The following ADGRB3 variants were observed in gnomAD, a reference collection of about 807,000 sequenced individuals.
The protein encoded by ADGRB3 is brain-specific angiogenesis inhibitor 3.
A neutral mutation model predicts 193.4 loss-of-function variants in ADGRB3; 37 were observed. That is an observed-to-expected ratio of 0.19 (90% CI 0.15 to 0.25). The LOEUF is 0.25. ADGRB3 is among the 10% of genes least tolerant of loss of function. The pLI is 1.00. For synonymous variants in ADGRB3, 690 were observed against 644.2 expected, an observed-to-expected ratio of 1.07 and a Z score of -1.08; for missense variants, 1,637 against 1,852.9, an observed-to-expected ratio of 0.88 and a Z score of 2.14.
At chr6:68,779,436 T>C (rs1766813556) in intron 3 of ADGRB3, among the ~76,000 whole-genome samples, 1 of 151,930 alleles carries the variant, frequency 6.6e-6, no homozygotes, top group Admixed American at 6.6e-5. Flanking sequence ...ATGGGGTCAC[T>C]GAAGATCTGG....
intron 5 of ADGRB3, among the ~76,000 whole-genome samples, chr6:68,939,606 A>G (rs1310543446): frequency 6.6e-6 from 1 of 152,156 alleles, no homozygotes; most frequent in South Asian, 2.1e-4. Context: ...TAAGTGCCCC[A>G]CTATAAGAAT....
intron 13 of ADGRB3, among the ~76,000 whole-genome samples, chr6:69,019,137 TAAC>T (rs1489328716): frequency 6.6e-6 from 1 of 152,014 alleles, no homozygotes; most frequent in East Asian, 1.9e-4. Flanking sequence ...GGTTAAAAAT[TAAC>T]AAGCACAAAG....
At chr6:68,773,494 A>G (rs997871753) in intron 3 of ADGRB3, among the ~76,000 whole-genome samples, 1 of 152,196 alleles carries the variant, frequency 6.6e-6, no homozygotes, top group Non-Finnish European at 1.5e-5. Context: ...GTGTTCATTC[A>G]TGCATTCATT....
At chr6:68,789,384 T>A (rs1767051241) in intron 3 of ADGRB3, among the ~76,000 whole-genome samples, 1 of 152,144 alleles carries the variant, frequency 6.6e-6, no homozygotes, top group Non-Finnish European at 1.5e-5. Context: ...TGCTTGTCTG[T>A]AAAGTATTTT....
chr6:69,328,449 C>CTG (rs917345096), intron 22 of ADGRB3, among the ~76,000 whole-genome samples: 9 of 152,082 alleles, frequency 5.9e-5, no homozygotes, highest in Non-Finnish European at 2.9e-5. Context: ...CTGATAAATT[C>CTG]TGTGAGAGAA....
intron 17 of ADGRB3, chr6:69,232,980 G>A (rs1341458569): frequency 4.6e-6 from 2 of 436,390 alleles, no homozygotes; most frequent in East Asian, 8.4e-5. Flanking sequence ...TCTGGCGGCT[G>A]CTCGTGCTGC....
intron 16 of ADGRB3, among the ~76,000 whole-genome samples, chr6:69,075,096 G>A (rs887375987): frequency 6.6e-6 from 1 of 152,162 alleles, no homozygotes; most frequent in Non-Finnish European, 1.5e-5. Context: ...GCATTATTAG[G>A]AAGAGAGCAC....
At chr6:68,772,883 AAAAAAAAAAAAATATATAT>A (rs1766651526) in intron 3 of ADGRB3, among the ~76,000 whole-genome samples, 1 of 10,662 alleles carries the variant, frequency 9.4e-5, no homozygotes, top group East Asian at 2.3e-3. Flanking sequence ...ACAAACAAAC[AAAAAAAAAAAAATATATAT>A]ATATATATAT....
intron 3 of ADGRB3, among the ~76,000 whole-genome samples, chr6:68,889,743 C>G (rs1484326296): frequency 6.6e-6 from 1 of 151,990 alleles, no homozygotes; most frequent in Non-Finnish European, 1.5e-5. Context: ...ACCTCGTGAT[C>G]CACCTGCCTC....
chr6:68,761,154 G>A (rs574910996), intron 3 of ADGRB3, among the ~76,000 whole-genome samples: 1 of 152,200 alleles, frequency 6.6e-6, no homozygotes, highest in Admixed American at 6.5e-5. Flanking sequence ...TACAATTCCT[G>A]CAGTCCCAAT....
chr6:68,857,262 T>G (rs978245923), intron 3 of ADGRB3, among the ~76,000 whole-genome samples: 18 of 152,214 alleles, frequency 1.2e-4, no homozygotes, highest in Non-Finnish European at 2.6e-4. Context: ...AGAGGGCCAC[T>G]GTCCTCCAGA....
At chr6:68,743,519 TATTA>T (rs1484787258) in intron 3 of ADGRB3, among the ~76,000 whole-genome samples, 1 of 152,094 alleles carries the variant, frequency 6.6e-6, no homozygotes, top group Non-Finnish European at 1.5e-5. Flanking sequence ...TTTCCTTCAC[TATTA>T]ATTGTGTGAG....
chr6:69,209,532 T>C (rs1178801178), intron 17 of ADGRB3, among the ~76,000 whole-genome samples: 3 of 152,328 alleles, frequency 2.0e-5, no homozygotes, highest in Admixed American at 1.3e-4. Context: ...ATCAACATAA[T>C]GTCATCAATG....
chr6:69,365,029 T>C (rs969338258), intron 29 of ADGRB3, among the ~76,000 whole-genome samples: 3 of 152,112 alleles, frequency 2.0e-5, no homozygotes, highest in Non-Finnish European at 4.4e-5. Flanking sequence ...TCTGAATCAT[T>C]GAAACTCTGG....
Position 68,869,016 on chromosome 6 carries a change from C to T in ADGRB3, c.758-61543C>T, listed in dbSNP as rs80302344. On this transcript the variant is annotated intron_variant, in intron 3 of 31. Coordinates refer to ENST00000370598, the MANE Select transcript of ADGRB3 (RefSeq NM_001704.3). ...CTGTGCTTTTGTTTTGTTGATGCTC[C>T]CTCAAAGCAAAATGAATACTTTCCA... Among the ~76,000 whole-genome samples, 385 of 149,402 alleles carry T rather than the reference C, an allele frequency of 2.6e-3. 8 individuals are homozygous for T. The East Asian group carries it at 0.051, about 20-fold the overall frequency.
intron 20 of ADGRB3, among the ~76,000 whole-genome samples, chr6:69,314,091 A>G (rs750770225): frequency 6.6e-6 from 1 of 151,770 alleles, no homozygotes; most frequent in Non-Finnish European, 1.5e-5. Context: ...AGATAACAGT[A>G]TATAATGAAG....
intron 3 of ADGRB3, among the ~76,000 whole-genome samples, chr6:68,706,327 A>C (rs1320110157): frequency 4.6e-5 from 7 of 152,216 alleles, no homozygotes; most frequent in African/African-American, 7.2e-5. Flanking sequence ...GGACTGAAAA[A>C]TAAGTACCTC....
chr6:68,684,497 T>G (rs2127299417), intron 3 of ADGRB3, among the ~76,000 whole-genome samples: 1 of 152,280 alleles, frequency 6.6e-6, no homozygotes, highest in East Asian at 1.9e-4. Flanking sequence ...TTTGACCATT[T>G]CTTGAGATTT....
chr6:69,119,947 C>G (rs2150329171), intron 17 of ADGRB3, among the ~76,000 whole-genome samples: 1 of 152,208 alleles, frequency 6.6e-6, no homozygotes, highest in Non-Finnish European at 1.5e-5. Context: ...GAGTCTATTT[C>G]AGTGAGCCAG....
Sources: allele counts gnomAD v4.1 joint callset (sites outside exome capture counted in the v4.1 genomes callset), GRCh38; gene constraint gnomAD v4.1.1; transcripts MANE v1.5; gene names NCBI Gene and HGNC (gene_info 2026-07-23, HGNC 2026-07-21).